Variants in RORA observed in about 807,000 individuals in gnomAD.
The protein encoded by RORA is nuclear receptor ROR-alpha.
Under a neutral mutation model 69.5 loss-of-function variants are expected in RORA, and 7 were observed. The observed-to-expected ratio is 0.10, with a 90% confidence interval of 0.06 to 0.19. The LOEUF (loss-of-function observed/expected upper bound fraction) is 0.19, where lower values mean the gene tolerates loss of function less well. Ranked by LOEUF, RORA falls within the 10% of genes least tolerant of loss-of-function variation. RORA has a pLI of 1.00. For missense variants in RORA, 457 were observed against 663.0 expected, an observed-to-expected ratio of 0.69 and a Z score of 3.41; for synonymous variants, 261 against 240.8, an observed-to-expected ratio of 1.08 and a Z score of -0.78.
intron 2 of RORA, among the ~76,000 whole-genome samples, chr15:60,667,452 T>A (rs1316041667): frequency 6.6e-6 from 1 of 151,954 alleles, no homozygotes; most frequent in Non-Finnish European, 1.5e-5. Flanking sequence ...TGCTTTATCA[T>A]TCTTTATGTT....
At chr15:60,501,583 AACCT>A (rs1425443152) in intron 8 of RORA, among the ~76,000 whole-genome samples, 3 of 152,238 alleles carry the variant, frequency 2.0e-5, no homozygotes, top group African/African-American at 7.2e-5. Flanking sequence ...CTACACTTTT[AACCT>A]ATAGAGTCTA....
intron 1 of RORA, among the ~76,000 whole-genome samples, chr15:60,925,000 A>C (rs1892165900): frequency 6.6e-6 from 1 of 151,952 alleles, no homozygotes; most frequent in South Asian, 2.1e-4. Context: ...AATCCCTTGA[A>C]CCCAGGAGGC....
chr15:60,904,410 T>C (rs890960930), intron 1 of RORA, among the ~76,000 whole-genome samples: 2 of 152,082 alleles, frequency 1.3e-5, no homozygotes, highest in South Asian at 2.1e-4. Flanking sequence ...ACAAGTATGA[T>C]GGCTTGAAGA....
intron 2 of RORA, among the ~76,000 whole-genome samples, chr15:60,563,789 C>T (rs2067642832): frequency 6.6e-6 from 1 of 152,076 alleles, no homozygotes; most frequent in Non-Finnish European, 1.5e-5. Context: ...TCTTCTAGTT[C>T]ACTGTGGTTC....
rs945923104 is a variant in RORA at position 60,496,470 on chromosome 15, G to A, written c.*985C>T. On this transcript the variant is annotated 3_prime_UTR_variant, in exon 11 of 11. Transcript: ENST00000335670. This position sits in a 1 kb window ranked among gnomAD's most constrained non-coding sequence, Gnocchi z 4.5. ...AAAAAGCTTTAAAAAAAAAAAATGA[G>A]CATGATGGTATATGTCCACCACGCC... 6.6e-6 allele frequency: 1 copy of A among 151,864 alleles called. No homozygotes were observed. The highest frequency in any genetic ancestry group is 2.4e-5 in the African/African-American group (1 of 41,348). 9.4% of individuals were successfully genotyped at this position (151,864 alleles called of 1,614,324 possible). A position where few individuals can be genotyped will look rare whatever the true frequency, so the allele number is the denominator to read the frequency against.
chr15:61,159,021 C>T (rs971035045), intron 1 of RORA, among the ~76,000 whole-genome samples: 4 of 152,106 alleles, frequency 2.6e-5, no homozygotes, highest in Admixed American at 6.5e-5. Flanking sequence ...CTCAATAAAT[C>T]GCAAGCATGG....
chr15:61,100,521 C>A (rs2078864097), intron 1 of RORA, among the ~76,000 whole-genome samples: 1 of 152,168 alleles, frequency 6.6e-6, no homozygotes, highest in Non-Finnish European at 1.5e-5. Flanking sequence ...GTGCCCTTCT[C>A]CACTTCAGGG....
chr15:60,892,299 A>G (rs2073820443), intron 1 of RORA, among the ~76,000 whole-genome samples: 1 of 152,252 alleles, frequency 6.6e-6, no homozygotes, highest in South Asian at 2.1e-4. Flanking sequence ...CCATTTAAAT[A>G]AGATTCCCAA....
chr15:60,967,884 T>C (rs1000293634), intron 1 of RORA, among the ~76,000 whole-genome samples: 1 of 152,192 alleles, frequency 6.6e-6, no homozygotes, highest in African/African-American at 2.4e-5. Context: ...TGCTTCTGAA[T>C]GTGGTTACAA....
chr15:60,820,376 A>G (rs1042412994), intron 1 of RORA, among the ~76,000 whole-genome samples: 2 of 152,168 alleles, frequency 1.3e-5, no homozygotes. Context: ...GAAAGGAAGG[A>G]AGAGACAGGA....
intron 2 of RORA, among the ~76,000 whole-genome samples, chr15:60,626,692 G>A (rs1272824595): frequency 1.3e-5 from 2 of 152,032 alleles, no homozygotes; most frequent in Non-Finnish European, 2.9e-5. Flanking sequence ...TGGGTGGGCC[G>A]CACAGAAACA....
intron 2 of RORA, chr15:60,650,799 AT>A (rs2070131676): frequency 6.6e-6 from 1 of 152,162 alleles, no homozygotes; most frequent in African/African-American, 2.4e-5. Flanking sequence ...TGCAAACAAT[AT>A]TTTTGTTTTA....
chr15:60,513,153 T>A (rs1390815354), intron 4 of RORA, among the ~76,000 whole-genome samples: 1 of 152,232 alleles, frequency 6.6e-6, no homozygotes. Context: ...AGGAAACAGG[T>A]GAGCTGGAAT....
intron 1 of RORA, among the ~76,000 whole-genome samples, chr15:61,161,629 G>A (rs1406530065): frequency 6.6e-6 from 1 of 151,654 alleles, no homozygotes; most frequent in Non-Finnish European, 1.5e-5. Flanking sequence ...CTGGGCTTGG[G>A]TGCACATAAC....
At chr15:60,608,373 G>C (rs1338482115) in intron 2 of RORA, among the ~76,000 whole-genome samples, 1 of 152,150 alleles carries the variant, frequency 6.6e-6, no homozygotes, top group African/African-American at 2.4e-5. Context: ...GCAGCTGAAA[G>C]GCTAAGTTTG....
intron 1 of RORA, among the ~76,000 whole-genome samples, chr15:60,789,342 A>T (rs2072383712): frequency 6.6e-6 from 1 of 152,236 alleles, no homozygotes; most frequent in Non-Finnish European, 1.5e-5. Flanking sequence ...TATTTTAATC[A>T]CATACACAAA....
intron 1 of RORA, among the ~76,000 whole-genome samples, chr15:60,825,762 C>T (rs1467013958): frequency 6.6e-6 from 1 of 152,186 alleles, no homozygotes; most frequent in Non-Finnish European, 1.5e-5. Flanking sequence ...TTTCTAACAT[C>T]TTTCCACTTC....
chr15:60,759,778 A>G (rs140788268), intron 1 of RORA, among the ~76,000 whole-genome samples: 14 of 152,290 alleles, frequency 9.2e-5, no homozygotes, highest in African/African-American at 3.1e-4. Flanking sequence ...TCTTTTCCCA[A>G]GTATTATCTT....
At chr15:60,916,216 G>C (rs1339179438) in intron 1 of RORA, among the ~76,000 whole-genome samples, 1 of 152,192 alleles carries the variant, frequency 6.6e-6, no homozygotes, top group African/African-American at 2.4e-5. Flanking sequence ...GATCTAGCTA[G>C]ATATTCAGAT....
Sources: allele counts gnomAD v4.1 joint callset (sites outside exome capture counted in the v4.1 genomes callset), GRCh38; gene constraint gnomAD v4.1.1; non-coding constraint Gnocchi (gnomAD v3.1); transcripts MANE v1.5; gene names NCBI Gene and HGNC (gene_info 2026-07-23, HGNC 2026-07-21).